Variants in HCN1 observed in about 807,000 individuals in gnomAD.
The protein encoded by HCN1 is potassium/sodium hyperpolarization-activated cyclic nucleotide-gated channel 1.
In HCN1, 13 loss-of-function variants were observed where a neutral mutation model predicts 78.9. The observed-to-expected ratio is 0.16, with a 90% confidence interval of 0.11 to 0.26. HCN1 has a LOEUF of 0.26. Among genes scored for constraint, HCN1 ranks in the 10% least tolerant of loss-of-function variants. The probability of loss-of-function intolerance (pLI) is 1.00; values close to 1 mark genes in which losing one functional copy is unlikely to be tolerated. For synonymous variants in HCN1, 552 were observed against 455.5 expected, an observed-to-expected ratio of 1.21 and a Z score of -2.70; for missense variants, 810 against 1,154.3, an observed-to-expected ratio of 0.70 and a Z score of 4.32.
chr5:45,376,158 T>A (rs1447814472), intron 4 of HCN1, among the ~76,000 whole-genome samples: 1 of 38,702 alleles, frequency 2.6e-5, no homozygotes, highest in Non-Finnish European at 4.8e-5. Context: ...TATAATATAA[T>A]ATTTTATAAT....
chr5:45,398,053 T>C (rs1579867998), intron 3 of HCN1, among the ~76,000 whole-genome samples: 1 of 151,830 alleles, frequency 6.6e-6, no homozygotes, highest in Non-Finnish European at 1.5e-5. Context: ...ATTAGGAGTA[T>C]TTTATAGGCT....
chr5:45,515,711 C>T (rs1742503572), intron 2 of HCN1, among the ~76,000 whole-genome samples: 1 of 151,960 alleles, frequency 6.6e-6, no homozygotes, highest in Non-Finnish European at 1.5e-5. Flanking sequence ...CACAGTTCAC[C>T]TGTCCATCCA....
intron 2 of HCN1, among the ~76,000 whole-genome samples, chr5:45,602,219 TC>T (rs996011976): frequency 1.1e-4 from 17 of 152,074 alleles, no homozygotes; most frequent in African/African-American, 2.4e-5. Context: ...GACTAATGCT[TC>T]CCCAGTACAT....
At chr5:45,314,170 A>G (rs1472979148) in intron 5 of HCN1, among the ~76,000 whole-genome samples, 1 of 152,226 alleles carries the variant, frequency 6.6e-6, no homozygotes, top group African/African-American at 2.4e-5. Flanking sequence ...ATCTCTCGGC[A>G]GAAACTCTAC....
intron 2 of HCN1, among the ~76,000 whole-genome samples, chr5:45,522,025 A>C (rs776172227): frequency 3.3e-4 from 50 of 151,950 alleles, no homozygotes; most frequent in Non-Finnish European, 5.6e-4. Context: ...AAACACTATA[A>C]ACTAAATGAC....
chr5:45,444,297 T>G (rs1018311081), intron 3 of HCN1, among the ~76,000 whole-genome samples: 6 of 152,206 alleles, frequency 3.9e-5, no homozygotes, highest in African/African-American at 1.4e-4. Context: ...AAATTAGTTT[T>G]GAAAGCATCA....
At chr5:45,452,704 A>C (rs2111602303) in intron 3 of HCN1, among the ~76,000 whole-genome samples, 1 of 152,108 alleles carries the variant, frequency 6.6e-6, no homozygotes, top group South Asian at 2.1e-4. Context: ...CTCATTTAAT[A>C]AATTGCTTAC....
intron 3 of HCN1, among the ~76,000 whole-genome samples, chr5:45,461,547 G>T (rs1413624364): frequency 6.6e-6 from 1 of 152,058 alleles, no homozygotes; most frequent in Non-Finnish European, 1.5e-5. Flanking sequence ...AAAGAATGCT[G>T]TACTGTGGTA....
Position 45,464,716 on chromosome 5 carries a change from G to T in HCN1, c.850-2709C>A, listed in dbSNP as rs1050116755. On this transcript the variant is annotated intron_variant, in intron 2 of 7. Coordinates refer to ENST00000303230, the MANE Select transcript of HCN1 (RefSeq NM_021072.4). ...GTGAATGTGTGCATTATCTCGGCCC[G>T]ATCTGATTGTCTTTTGAACCCTTAT... Among the ~76,000 whole-genome samples, 13 of 152,122 alleles carry T rather than the reference G, an allele frequency of 8.5e-5. No homozygotes were observed. The East Asian group carries it at 2.3e-3, about 27-fold the overall frequency.
chr5:45,665,149 G>T (rs1383651176), intron 1 of HCN1, among the ~76,000 whole-genome samples: 1 of 151,922 alleles, frequency 6.6e-6, no homozygotes, highest in Admixed American at 6.6e-5. Context: ...TACTTTGTAG[G>T]GACATGGATG....
intron 2 of HCN1, 38 bp from the exon 3 acceptor site, chr5:45,462,045 T>C (rs750110659): frequency 1.0e-5 from 16 of 1,562,396 alleles, no homozygotes; most frequent in Non-Finnish European, 1.3e-5. Flanking sequence ...TTATAATCAA[T>C]TTTTTAGAAA....
intron 2 of HCN1, among the ~76,000 whole-genome samples, chr5:45,534,781 C>T (rs1390654056): frequency 1.3e-5 from 2 of 152,058 alleles, no homozygotes; most frequent in East Asian, 3.9e-4. Flanking sequence ...ATTTTGAATT[C>T]ATTTGCTAAA....
chr5:45,643,628 C>T (rs1745495536), intron 2 of HCN1: 1 of 152,082 alleles, frequency 6.6e-6, no homozygotes, highest in Non-Finnish European at 1.5e-5. Context: ...ATCCCAGCTC[C>T]ACTTCTTACT....
At chr5:45,465,557 C>G (rs1240898474) in intron 2 of HCN1, among the ~76,000 whole-genome samples, 8 of 151,976 alleles carry the variant, frequency 5.3e-5, no homozygotes, top group Admixed American at 3.9e-4. Context: ...GAGTTCGAGA[C>G]CAGCCTGGCC....
intron 6 of HCN1, among the ~76,000 whole-genome samples, chr5:45,291,365 C>T (rs980577932): frequency 2.0e-5 from 3 of 151,936 alleles, no homozygotes. Flanking sequence ...TTTCTGGACA[C>T]CACACCGAGC....
chr5:45,539,389 G>A (rs1743042084), intron 2 of HCN1, among the ~76,000 whole-genome samples: 1 of 151,386 alleles, frequency 6.6e-6, no homozygotes, highest in South Asian at 2.1e-4. Context: ...AAGGCCGGGT[G>A]TGGTGGCTCA....
intron 1 of HCN1, among the ~76,000 whole-genome samples, chr5:45,670,937 T>G (rs1746139417): frequency 6.6e-6 from 1 of 151,740 alleles, no homozygotes; most frequent in Admixed American, 6.6e-5. Flanking sequence ...TACTTTATTA[T>G]AGTTACTGAT....
chr5:45,277,545 T>C (rs1412383407), intron 6 of HCN1, among the ~76,000 whole-genome samples: 1 of 152,066 alleles, frequency 6.6e-6, no homozygotes, highest in East Asian at 1.9e-4. Flanking sequence ...TGGGAACAAA[T>C]AAAGCAAAAC....
At chr5:45,543,299 T>C (rs1743141564) in intron 2 of HCN1, among the ~76,000 whole-genome samples, 2 of 151,730 alleles carry the variant, frequency 1.3e-5, no homozygotes, top group Admixed American at 6.6e-5. Context: ...ATCTATAACA[T>C]AGAAGGAGAT....
Sources: gnomAD v4.1 joint callset for allele counts (sites outside exome capture counted in the v4.1 genomes callset) on GRCh38, gnomAD v4.1.1 for gene constraint, MANE v1.5 for transcripts, NCBI Gene and HGNC (gene_info 2026-07-23, HGNC 2026-07-21) for gene names.